The following DENND1B variants were observed in gnomAD, a reference collection of about 807,000 sequenced individuals.
DENND1B encodes the protein DENN domain containing 1B, also known as DENN domain-containing protein 1B.
In DENND1B, 59 loss-of-function variants were observed where a neutral mutation model predicts 90.1. That is an observed-to-expected ratio of 0.65 (90% CI 0.53 to 0.81). The LOEUF is 0.81. Among genes scored for constraint, DENND1B ranks in the 40% least tolerant of loss-of-function variants. The pLI is 0.00. For synonymous variants in DENND1B, 337 were observed against 324.6 expected (o/e 1.04, Z -0.41); for missense variants, 862 against 912.6 (o/e 0.94, Z 0.71).
intron 3 of DENND1B, among the ~76,000 whole-genome samples, chr1:197,677,124 A>G (rs1285363095): frequency 6.6e-6 from 1 of 152,142 alleles, no homozygotes; most frequent in East Asian, 1.9e-4. Flanking sequence ...GTCATTGTCG[A>G]TACCACTAAT....
chr1:197,698,543 A>G (rs1658686754), intron 3 of DENND1B, among the ~76,000 whole-genome samples: 1 of 152,082 alleles, frequency 6.6e-6, no homozygotes, highest in Non-Finnish European at 1.5e-5. Flanking sequence ...AGCTAGCAGA[A>G]GACAAGAAAT....
At chr1:197,771,560 T>A (rs1775444) in intron 2 of DENND1B, among the ~76,000 whole-genome samples, 1 of 152,216 alleles carries the variant, frequency 6.6e-6, no homozygotes, top group East Asian at 1.9e-4. Flanking sequence ...GTAGTAGGGC[T>A]GGTGGAGCCA....
At chr1:197,619,540 G>C (rs1213055071) in intron 10 of DENND1B, among the ~76,000 whole-genome samples, 1 of 151,156 alleles carries the variant, frequency 6.6e-6, no homozygotes, top group Non-Finnish European at 1.5e-5. Flanking sequence ...AAAAAAGAGA[G>C]AGTGTTCTTT....
chr1:197,663,957 T>C (rs1428360563), intron 5 of DENND1B, among the ~76,000 whole-genome samples: 1 of 151,790 alleles, frequency 6.6e-6, no homozygotes, highest in Non-Finnish European at 1.5e-5. Flanking sequence ...TAAGTCTAAA[T>C]ATATGGCAAA....
intron 15 of DENND1B, among the ~76,000 whole-genome samples, chr1:197,563,391 T>C (rs1358526390): frequency 6.6e-6 from 1 of 151,990 alleles, no homozygotes; most frequent in East Asian, 1.9e-4. Context: ...TAAAAAATCC[T>C]TGGGCCCTTA....
At chr1:197,555,970 C>A (rs940841153) in intron 15 of DENND1B, among the ~76,000 whole-genome samples, 2 of 151,982 alleles carry the variant, frequency 1.3e-5, no homozygotes, top group Non-Finnish European at 2.9e-5. Context: ...CTTTTACCAG[C>A]AGACTGGATA....
chr1:197,511,188 A>C (rs1421303463), intron 22 of DENND1B, among the ~76,000 whole-genome samples: 5 of 151,790 alleles, frequency 3.3e-5, no homozygotes, highest in Non-Finnish European at 7.4e-5. Flanking sequence ...CACCTAACAA[A>C]TTCAAACTAG....
At chr1:197,609,281 T>G (rs1291980093) in intron 12 of DENND1B, among the ~76,000 whole-genome samples, 1 of 150,734 alleles carries the variant, frequency 6.6e-6, no homozygotes, top group Admixed American at 6.6e-5. Flanking sequence ...TGTTTAACTT[T>G]TCCATACAAT....
At chr1:197,641,189 C>A (rs1680242807) in intron 10 of DENND1B, among the ~76,000 whole-genome samples, 1 of 152,038 alleles carries the variant, frequency 6.6e-6, no homozygotes. Context: ...ATGAATTAAT[C>A]CTGATAAAAT....
In DENND1B at chr1:197,747,539, G is replaced by A. The variant is rs542618421; in HGVS notation, c.82+25329C>T. 15 of 197,086 alleles carry A rather than the reference G, an allele frequency of 7.6e-5. No individual in the cohort carries two copies. In the East Asian group the frequency reaches 2.0e-3, roughly 27 times the overall value. 12.2% of individuals were successfully genotyped at this position (197,086 alleles called of 1,614,324 possible). A position where few individuals can be genotyped will look rare whatever the true frequency, so the allele number is the denominator to read the frequency against. On this transcript the variant is annotated intron_variant, in intron 2 of 22. Coordinates refer to ENST00000620048, the MANE Select transcript of DENND1B (RefSeq NM_001195215.2). The stretch of plus-strand genomic sequence containing the variant: ...TAAATATTGGGAGAGTTACCAAAAT[G>A]TGACACAGAAACACAAAGTGAGCAC...
At chr1:197,770,820 G>A (rs10922281) in intron 2 of DENND1B, among the ~76,000 whole-genome samples, 33 of 126,544 alleles carry the variant, frequency 2.6e-4, no homozygotes, top group African/African-American at 6.6e-4. Flanking sequence ...AAATATATAT[G>A]TAAATATATA....
At chr1:197,686,950 T>A (rs1657307669) in intron 3 of DENND1B, among the ~76,000 whole-genome samples, 1 of 152,210 alleles carries the variant, frequency 6.6e-6, no homozygotes, top group Non-Finnish European at 1.5e-5. Context: ...AAATCGTTCA[T>A]GCAACTTTTC....
intron 2 of DENND1B, chr1:197,735,312 T>C (rs1662540073): frequency 2.4e-6 from 3 of 1,248,898 alleles, no homozygotes; most frequent in Non-Finnish European, 3.0e-6. Flanking sequence ...ATACCTCTGC[T>C]TCAAGTGGTT....
At chr1:197,671,067 G>T (rs1655458019) in intron 5 of DENND1B, among the ~76,000 whole-genome samples, 1 of 152,096 alleles carries the variant, frequency 6.6e-6, no homozygotes, top group Non-Finnish European at 1.5e-5. Context: ...CTCAATGAAT[G>T]ATATAACTGT....
intron 3 of DENND1B, among the ~76,000 whole-genome samples, chr1:197,713,814 T>C (rs1287509014): frequency 1.9e-5 from 1 of 51,712 alleles, no homozygotes; most frequent in Non-Finnish European, 3.3e-5. Flanking sequence ...TAATATATTA[T>C]ATATAATATA....
At chr1:197,622,156 G>T (rs1678228952) in intron 10 of DENND1B, among the ~76,000 whole-genome samples, 1 of 151,358 alleles carries the variant, frequency 6.6e-6, no homozygotes, top group African/African-American at 2.4e-5. Flanking sequence ...AGGTCACCAG[G>T]TCTAAACATA....
At chr1:197,746,475 G>T (rs1181818650) in intron 2 of DENND1B, among the ~76,000 whole-genome samples, 23 of 152,092 alleles carry the variant, frequency 1.5e-4, no homozygotes, top group Non-Finnish European at 1.0e-4. Flanking sequence ...TTTATACCAT[G>T]GGTCTATACA....
At chr1:197,742,287 G>A (rs1663283039) in intron 2 of DENND1B, among the ~76,000 whole-genome samples, 1 of 151,998 alleles carries the variant, frequency 6.6e-6, no homozygotes, top group African/African-American at 2.4e-5. Flanking sequence ...ATAATATCAA[G>A]GGACAGAATT....
At chr1:197,694,923 A>G (rs1339981610) in intron 3 of DENND1B, among the ~76,000 whole-genome samples, 1 of 151,326 alleles carries the variant, frequency 6.6e-6, no homozygotes, top group Non-Finnish European at 1.5e-5. Flanking sequence ...TTATTATCTA[A>G]AATGTACGCA....
Sources: gnomAD v4.1 joint callset for allele counts (sites outside exome capture counted in the v4.1 genomes callset) on GRCh38, gnomAD v4.1.1 for gene constraint, MANE v1.5 for transcripts, NCBI Gene and HGNC (gene_info 2026-07-23, HGNC 2026-07-21) for gene names.